The following SRPK2 variants were observed in gnomAD, a reference collection of about 807,000 sequenced individuals.
The protein encoded by SRPK2 is SRSF protein kinase 2.
In SRPK2, 21 loss-of-function variants were observed where a neutral mutation model predicts 90.8. The observed-to-expected ratio is 0.23, with a 90% CI of 0.16 to 0.33. SRPK2 has a LOEUF of 0.33. Among genes scored for constraint, SRPK2 ranks in the 10% least tolerant of loss-of-function variants. SRPK2 has a pLI of 1.00. For missense variants in SRPK2, 620 were observed against 869.0 expected, an observed-to-expected ratio of 0.71 and a Z score of 3.60; for synonymous variants, 288 against 311.1, an observed-to-expected ratio of 0.93 and a Z score of 0.78.
chr7:105,268,467 C>T (rs1283578531), intron 2 of SRPK2, among the ~76,000 whole-genome samples: 1 of 152,158 alleles, frequency 6.6e-6, no homozygotes, highest in Admixed American at 6.6e-5. Flanking sequence ...GGAAGAAAAC[C>T]TCACAGCATT....
rs183638070 is a variant in SRPK2, at chr7:105,330,099, T to A, written c.71+58549A>T. On this transcript the variant is annotated intron_variant, in intron 2 of 15. Transcript: ENST00000393651. ...GGCTCACACCTGTAATCCCAGCACT[T>A]TGGGAGGCCACGGGAGGATCACAAG... Among the ~76,000 whole-genome samples, 16 of 151,608 alleles carry A rather than the reference T, an allele frequency of 1.1e-4. No homozygotes were observed. In the South Asian group the frequency reaches 3.4e-3, roughly 32 times the overall value.
rs118094622 is a variant in SRPK2, at chr7:105,196,188, C to T, written c.229+7440G>A. On this transcript the variant is annotated intron_variant, in intron 3 of 15. Coordinates refer to ENST00000393651, the MANE Select transcript of SRPK2 (RefSeq NM_182692.3). ...GTAATAGGTTCAAGAGCATCTATTG[C>T]TTTGTTCACATAGATAGGCAGGGTT... Among the ~76,000 whole-genome samples the T allele has an allele frequency of 3.0e-3, 464 of 152,272 alleles. 14 individuals are homozygous for T. In the East Asian group the frequency reaches 0.062, roughly 20 times the overall value.
At chr7:105,170,745 GAGGA>G (rs534732760) in intron 3 of SRPK2, among the ~76,000 whole-genome samples, 7,275 of 45,508 alleles carry the variant, frequency 0.16, 1,039 homozygotes, top group East Asian at 0.62. Flanking sequence ...GGAAGAAAGG[GAGGA>G]AGGAAGGAAG....
At chr7:105,251,605 A>G (rs1585365478) in intron 2 of SRPK2, among the ~76,000 whole-genome samples, 3 of 152,246 alleles carry the variant, frequency 2.0e-5, no homozygotes, top group Non-Finnish European at 4.4e-5. Context: ...AATGAATATA[A>G]TAACACCTAC....
At chr7:105,381,691 T>C (rs2132668119) in intron 2 of SRPK2, among the ~76,000 whole-genome samples, 1 of 152,076 alleles carries the variant, frequency 6.6e-6, no homozygotes, top group East Asian at 1.9e-4. Context: ...GTAGAGGTAG[T>C]AAGCAAAAAT....
intron 2 of SRPK2, chr7:105,301,633 A>C: frequency 1.2e-6 from 2 of 1,611,106 alleles, no homozygotes; most frequent in East Asian, 4.5e-5. Flanking sequence ...GATAGGTGAA[A>C]ATGGTGATCC....
intron 2 of SRPK2, among the ~76,000 whole-genome samples, chr7:105,331,335 A>AAAC (rs1563248743): frequency 2.1e-5 from 3 of 145,414 alleles, no homozygotes; most frequent in Non-Finnish European, 4.5e-5. Flanking sequence ...AAAAAAAAAA[A>AAAC]AACAAATAGT....
Position 105,137,463 on chromosome 7 carries a change from G to A in SRPK2, c.1544-4359C>T, listed in dbSNP as rs190336370. Among the ~76,000 whole-genome samples, 660 of 144,506 alleles carry A rather than the reference G, an allele frequency of 4.6e-3. 8 individuals carry two copies. Among genetic ancestry groups the A allele is most frequent in the South Asian group, 0.023 (109 of 4,646 alleles). The allele number at this position is 144,506 out of a possible 152,430, so 94.8% of individuals were successfully genotyped here. Reference sequence around the variant, plus strand: ...GACAGACTGGGGAGCAAAAGCTCAAGTGATAGGAGCACGGAGGCTGTGTTA... The same window carrying A: ...GACAGACTGGGGAGCAAAAGCTCAAATGATAGGAGCACGGAGGCTGTGTTA... On this transcript the variant is annotated intron_variant, in intron 11 of 15. Coordinates refer to ENST00000393651, the MANE Select transcript of SRPK2 (RefSeq NM_182692.3).
chr7:105,151,643 C>G (rs547804154), intron 7 of SRPK2, among the ~76,000 whole-genome samples: 5 of 152,190 alleles, frequency 3.3e-5, no homozygotes, highest in African/African-American at 4.8e-5. Flanking sequence ...AGCTTCTGGC[C>G]TCAAGTGATC....
At chr7:105,329,226 A>T (rs1813976460) in intron 2 of SRPK2, among the ~76,000 whole-genome samples, 1 of 152,104 alleles carries the variant, frequency 6.6e-6, no homozygotes. Flanking sequence ...CTCTCACCCT[A>T]AAAGAAAGCT....
intron 2 of SRPK2, among the ~76,000 whole-genome samples, chr7:105,330,191 T>A (rs1055041907): frequency 1.7e-4 from 26 of 151,776 alleles, no homozygotes; most frequent in African/African-American, 6.0e-4. Flanking sequence ...TACAAAAAAA[T>A]TAGCCAGGCG....
At chr7:105,164,918 A>G (rs1304677309) in intron 6 of SRPK2, among the ~76,000 whole-genome samples, 2 of 152,250 alleles carry the variant, frequency 1.3e-5, no homozygotes, top group Non-Finnish European at 2.9e-5. Context: ...AGCTACTGAC[A>G]CAACCTAGCA....
chr7:105,145,304 A>G lies in SRPK2; in HGVS notation c.792T>C (p.Ser264=), dbSNP rs1024104752. Residue 264 remains serine, a synonymous_variant, in exon 9 of 16, where the codon AGT becomes AGC. Transcript: ENST00000393651. ...TTACAGGTTTCTGCTGTGGAGCCGT[A>G]CTCACTAAAATAAAATCAAACAAAA... ...GAPPPSGSAV[S]TAPQQKPIGK... is the part of the protein sequence containing the mutation. 7 of 1,591,244 alleles carry G rather than the reference A, an allele frequency of 4.4e-6. No individual in the cohort carries two copies. Among genetic ancestry groups the G allele is most frequent in the Admixed American group, 3.5e-5 (2 of 57,258 alleles).
intron 3 of SRPK2, among the ~76,000 whole-genome samples, chr7:105,188,142 G>C (rs1006409600): frequency 1.3e-5 from 2 of 152,168 alleles, no homozygotes; most frequent in Admixed American, 6.5e-5. Flanking sequence ...GAACTGCTGT[G>C]ATACATCCAG....
intron 2 of SRPK2, among the ~76,000 whole-genome samples, chr7:105,239,674 G>A (rs1402381228): frequency 6.6e-6 from 1 of 152,182 alleles, no homozygotes; most frequent in East Asian, 1.9e-4. Flanking sequence ...GTTAGACGGA[G>A]TCTGACTTAA....
intron 3 of SRPK2, among the ~76,000 whole-genome samples, chr7:105,169,743 A>G (rs1331073344): frequency 6.6e-6 from 1 of 152,120 alleles, no homozygotes; most frequent in Admixed American, 6.6e-5. Flanking sequence ...TTCCTATTAG[A>G]CTTCTTGTTT....
At chr7:105,177,751 G>A (rs866006607) in intron 3 of SRPK2, among the ~76,000 whole-genome samples, 2 of 152,074 alleles carry the variant, frequency 1.3e-5, no homozygotes, top group African/African-American at 2.4e-5. Flanking sequence ...GGCTAGGCAC[G>A]GTGGCTCACG....
chr7:105,281,749 C>G (rs1366248769), intron 2 of SRPK2, among the ~76,000 whole-genome samples: 1 of 150,898 alleles, frequency 6.6e-6, no homozygotes, highest in Non-Finnish European at 1.5e-5. Flanking sequence ...CAAATAAATT[C>G]AACCAAGGAA....
chr7:105,350,306 A>G (rs1817012086), intron 2 of SRPK2, among the ~76,000 whole-genome samples: 1 of 149,960 alleles, frequency 6.7e-6, no homozygotes, highest in African/African-American at 2.5e-5. Context: ...TAATTTTTGT[A>G]TTTTTAGTAG....
Sources: gnomAD v4.1 joint callset for allele counts (sites outside exome capture counted in the v4.1 genomes callset) on GRCh38, gnomAD v4.1.1 for gene constraint, MANE v1.5 for transcripts, NCBI Gene and HGNC (gene_info 2026-07-23, HGNC 2026-07-21) for gene names.